Variants in RYR2 observed in about 807,000 individuals in gnomAD.
RYR2 encodes the protein cardiac muscle ryanodine receptor-calcium release channel.
RYR2 carries 227 observed loss-of-function variants against 601.1 expected under a neutral mutation model. The observed-to-expected ratio is 0.38, with a 90% CI of 0.34 to 0.42. The LOEUF (loss-of-function observed/expected upper bound fraction) is 0.42. Ranked by LOEUF, RYR2 falls within the 10% of genes least tolerant of loss-of-function variation. The pLI, the probability that RYR2 is intolerant of heterozygous loss-of-function variation, is 1.00. For synonymous variants in RYR2, 2,223 were observed against 2,175.1 expected, an observed-to-expected ratio of 1.02 and a Z score of -0.61; for missense variants, 4,646 against 6,156.5, an observed-to-expected ratio of 0.75 and a Z score of 8.21.
chr1:237,288,665 C>T (rs1458752262), intron 2 of RYR2, among the ~76,000 whole-genome samples: 4 of 152,068 alleles, frequency 2.6e-5, no homozygotes, highest in African/African-American at 4.8e-5. Flanking sequence ...CACTGTGCCC[C>T]CCAACAACAG....
At chr1:237,192,159 G>A (rs1680030742) in intron 1 of RYR2, among the ~76,000 whole-genome samples, 1 of 150,860 alleles carries the variant, frequency 6.6e-6, no homozygotes, top group East Asian at 2.0e-4. Context: ...CAATACTGCG[G>A]CCTCTGCTTT....
rs577859522 is a variant in RYR2 at position 237,466,938 on chromosome 1, C to T, written c.1613-2154C>T. Among the ~76,000 whole-genome samples, 21 of 151,648 alleles carry T rather than the reference C, an allele frequency of 1.4e-4. 1 individual carries two copies. Among genetic ancestry groups the T allele is most frequent in the Admixed American group, 2.6e-4 (4 of 15,236 alleles). ...CTGCTTTTCTTACTAAATTCTGACA[C>T]GGTTCTGTCAGAGAACATGGTTTAT... On this transcript the variant is annotated intron_variant, in intron 16 of 104. Coordinates refer to ENST00000366574, the MANE Select transcript of RYR2 (RefSeq NM_001035.3).
At chr1:237,758,586 C>T (rs1693152424) in intron 82 of RYR2, among the ~76,000 whole-genome samples, 1 of 152,094 alleles carries the variant, frequency 6.6e-6, no homozygotes, top group African/African-American at 2.4e-5. Flanking sequence ...TGTGCATATA[C>T]TTTGTGCATA....
chr1:237,393,250 A>G (rs187871385), intron 10 of RYR2, among the ~76,000 whole-genome samples: 2 of 152,156 alleles, frequency 1.3e-5, no homozygotes, highest in Non-Finnish European at 2.9e-5. Context: ...ATAGTTTCTG[A>G]CAGTATCTGG....
chr1:237,773,175 T>C (rs1694404323), intron 86 of RYR2, among the ~76,000 whole-genome samples: 1 of 152,202 alleles, frequency 6.6e-6, no homozygotes, highest in African/African-American at 2.4e-5. Flanking sequence ...TTCATCTATT[T>C]TCTGTGCTCA....
rs10567644 is a variant in RYR2 at position 237,383,417 on chromosome 1, G to GTTTTTTTTTTTTTTTTTTTTT, written c.577-3854_577-3834dup. Among the ~76,000 whole-genome samples the GTTTTTTTTTTTTTTTTTTTTT allele has an allele frequency of 1.4e-4, 7 of 50,560 alleles. 2 individuals carry two copies. The highest frequency in any genetic ancestry group is 5.1e-4 in the Admixed American group (2 of 3,904). The allele number at this position is 50,560 out of a possible 152,430, so 33.2% of individuals were successfully genotyped here. Reference sequence around the variant, plus strand: ...TTTACATTTTCTTTTCTTTTTTCTTGTTTTTTTTTTTTTTTTTTTTTTTTT... The same window carrying GTTTTTTTTTTTTTTTTTTTTT: ...TTTACATTTTCTTTTCTTTTTTCTTGTTTTTTTTTTTTTTTTTTTTTTTTTTTTTTTTTTTTTTTTTTTTTT... On this transcript the variant is annotated intron_variant, in intron 8 of 104. Transcript: ENST00000366574.
chr1:237,596,940 C>T (rs1306305161), intron 34 of RYR2, among the ~76,000 whole-genome samples: 4 of 152,140 alleles, frequency 2.6e-5, no homozygotes, highest in Non-Finnish European at 4.4e-5. Flanking sequence ...TAGAGTACTC[C>T]ACAGATAAGC....
At chr1:237,365,433 G>A (rs1210187351) in intron 5 of RYR2, among the ~76,000 whole-genome samples, 1 of 152,214 alleles carries the variant, frequency 6.6e-6, no homozygotes, top group Non-Finnish European at 1.5e-5. Context: ...TGGGATGACA[G>A]AACAGAGTAT....
intron 1 of RYR2, among the ~76,000 whole-genome samples, chr1:237,238,217 T>C (rs1021692361): frequency 2.0e-5 from 3 of 152,114 alleles, no homozygotes; most frequent in Admixed American, 1.3e-4. Context: ...TGAGTCTTCC[T>C]TCCTCAGCCT....
intron 66 of RYR2, among the ~76,000 whole-genome samples, chr1:237,702,300 G>T (rs1483728404): frequency 6.6e-6 from 1 of 152,124 alleles, no homozygotes; most frequent in Non-Finnish European, 1.5e-5. Flanking sequence ...TTAATATGAA[G>T]TTTCAGCTGA....
intron 20 of RYR2, 143 bp downstream of exon 20, chr1:237,496,895 T>C (rs1572597779): frequency 2.0e-6 from 2 of 993,904 alleles, no homozygotes; most frequent in East Asian, 4.8e-5. Flanking sequence ...TGAGTAAGAG[T>C]GTTGAGGAAC....
rs1206371134 is a variant in RYR2, at chr1:237,488,791, C to T, written c.1709-3015C>T. 4.6e-5 allele frequency among the ~76,000 whole-genome samples: 7 copies of T among 152,186 alleles called. No homozygotes were observed. In the South Asian group the frequency reaches 8.3e-4, roughly 18 times the overall value. On this transcript the variant is annotated intron_variant, in intron 17 of 104. Coordinates refer to ENST00000366574, the MANE Select transcript of RYR2 (RefSeq NM_001035.3). Reference sequence around the variant, plus strand: ...TAAGAACTAATGATAATCCCACCATCCTTCGCTGACTCCTTTTTCAGACTC... The same window carrying T: ...TAAGAACTAATGATAATCCCACCATTCTTCGCTGACTCCTTTTTCAGACTC...
Position 237,793,912 on chromosome 1 carries a change from T to C in RYR2, c.13828T>C (p.Leu4610=). The C allele has an allele frequency of 6.2e-7, 1 of 1,611,520 alleles. No individual in the cohort carries two copies. Among genetic ancestry groups the C allele is most frequent in the Non-Finnish European group, 8.5e-7 (1 of 1,177,824 alleles). ...GCGAGAAAAGGAAGTGGCACGGAAA[T>C]TGGAATTTGATGGGCTTTATATTAC... The part of the protein sequence containing the change: ...FKREKEVARK[L]EFDGLYITEQ... The change falls in exon 95 of 105, where the codon TTG becomes CTG. Residue 4610 remains leucine (L), a synonymous_variant. Transcript: ENST00000366574.
intron 1 of RYR2, among the ~76,000 whole-genome samples, chr1:237,051,347 G>GTCTTCTCTCC (rs1254253089): frequency 1.7e-5 from 2 of 119,424 alleles, no homozygotes. Flanking sequence ...CTCCCCTCTC[G>GTCTTCTCTCC]TCTTCTCTCC....
At chr1:237,634,398 G>A (rs1457478713) in intron 43 of RYR2, among the ~76,000 whole-genome samples, 2 of 152,142 alleles carry the variant, frequency 1.3e-5, no homozygotes, top group East Asian at 1.9e-4. Flanking sequence ...CTTTCATGTG[G>A]ACTCTAAAAT....
In RYR2 at chr1:237,441,420, C is replaced by T. The variant is rs767221382; in HGVS notation, c.1107C>T (p.Gly369=). ...SVCYIQHVDT[G]LWLTYQSVDV... is the part of the protein sequence containing the mutation. ...GCTATATACAACATGTAGACACAGGCCTATGGCTTACTTACCAGTCTGTGG... is the reference window on the plus strand; with the variant it reads ...GCTATATACAACATGTAGACACAGGTCTATGGCTTACTTACCAGTCTGTGG... The change falls in exon 13 of 105, where the codon GGC becomes GGT. Residue 369 remains glycine, a synonymous_variant. Coordinates refer to ENST00000366574, the MANE Select transcript of RYR2 (RefSeq NM_001035.3). 1 of 1,610,940 alleles carries T rather than the reference C, an allele frequency of 6.2e-7. No individual in the cohort carries two copies. Among genetic ancestry groups the T allele is most frequent in the East Asian group, 2.2e-5 (1 of 44,766 alleles).
At chr1:237,573,280 A>C (rs1672890272) in intron 29 of RYR2, among the ~76,000 whole-genome samples, 1 of 151,772 alleles carries the variant, frequency 6.6e-6, no homozygotes. Flanking sequence ...ATATGTGTGT[A>C]TGCGCACACA....
intron 2 of RYR2, among the ~76,000 whole-genome samples, chr1:237,329,591 G>A (rs537327350): frequency 3.3e-5 from 5 of 151,088 alleles, no homozygotes; most frequent in South Asian, 2.1e-4. Flanking sequence ...GCAGTGAGCC[G>A]AGATCGCACC....
chr1:237,445,490 G>T lies in RYR2; in HGVS notation c.1260G>T (p.Arg420=). ...HEESRTARVI[R]STVFLFNRFI... ...AATCACGCACAGCCCGAGTTATCCG[G>T]AGCACAGTCTTCCTTTTCAATAGAT... The change falls in exon 14 of 105, where the codon CGG becomes CGT. Residue 420 remains arginine, a synonymous_variant. Coordinates refer to ENST00000366574, the MANE Select transcript of RYR2 (RefSeq NM_001035.3). 1 of 1,613,692 alleles carries T rather than the reference G, an allele frequency of 6.2e-7. No individual in the cohort carries two copies. The highest frequency in any genetic ancestry group is 8.5e-7 in the Non-Finnish European group (1 of 1,179,702).
Sources: gnomAD v4.1 joint callset for allele counts (sites outside exome capture counted in the v4.1 genomes callset) on GRCh38, gnomAD v4.1.1 for gene constraint, MANE v1.5 for transcripts, NCBI Gene and HGNC (gene_info 2026-07-23, HGNC 2026-07-21) for gene names.